RGS20: variants seen among roughly 807,000 people sequenced by gnomAD.
The protein encoded by RGS20 is regulator of G protein signaling 20, also known as gz-selective GTPase-activating protein.
RGS20 carries 30 observed loss-of-function variants against 33.6 expected under a neutral mutation model. That is an observed-to-expected ratio of 0.89 (90% CI 0.67 to 1.21). The LOEUF (loss-of-function observed/expected upper bound fraction) is 1.21. Among genes scored for constraint, RGS20 ranks in the 50% most tolerant of loss-of-function variants. RGS20 has a pLI of 0.00. For missense variants in RGS20, 472 were observed against 502.4 expected (o/e 0.94, Z 0.58); for synonymous variants, 208 against 197.9 (o/e 1.05, Z -0.43).
chr8:53,871,036 G>A (rs767351206), intron 1 of RGS20, among the ~76,000 whole-genome samples: 4 of 149,552 alleles, frequency 2.7e-5, no homozygotes, highest in South Asian at 2.1e-4. Context: ...GCTTGAAGCC[G>A]GGTGGCAGAG....
chr8:53,887,389 G>T, intron 2 of RGS20: 1 of 243,920 alleles, frequency 4.1e-6, no homozygotes, highest in South Asian at 6.4e-5. Flanking sequence ...CCTTATCCTG[G>T]ATATTGGCCT....
intron 2 of RGS20, among the ~76,000 whole-genome samples, chr8:53,922,888 TGG>T: frequency 6.6e-6 from 1 of 152,148 alleles, no homozygotes; most frequent in African/African-American, 2.4e-5. Context: ...CTTGAACTCC[TGG>T]TCTCAAGTGA....
intron 1 of RGS20, chr8:53,876,512 T>A (rs748633841): frequency 6.6e-6 from 1 of 152,370 alleles, no homozygotes; most frequent in East Asian, 1.9e-4. Flanking sequence ...TCAAATAGAA[T>A]CTGGCCTAAA....
chr8:53,893,458 G>A (rs1280091564), intron 2 of RGS20, among the ~76,000 whole-genome samples: 3 of 152,160 alleles, frequency 2.0e-5, no homozygotes, highest in African/African-American at 7.2e-5. Flanking sequence ...TGTCCCCAAG[G>A]CCTTGGACTT....
intron 2 of RGS20, among the ~76,000 whole-genome samples, chr8:53,895,965 T>C (rs1812844966): frequency 6.6e-6 from 1 of 151,832 alleles, no homozygotes; most frequent in Admixed American, 6.6e-5. Context: ...TTTTTACATT[T>C]TTTAATTGTT....
intron 1 of RGS20, among the ~76,000 whole-genome samples, chr8:53,856,634 G>A (rs2129266539): frequency 6.6e-6 from 1 of 152,350 alleles, no homozygotes; most frequent in East Asian, 1.9e-4. Flanking sequence ...ACATGAGGAA[G>A]AGAAAGCATT....
At chr8:53,911,996 G>GA (rs1406366975) in intron 2 of RGS20, among the ~76,000 whole-genome samples, 2 of 151,818 alleles carry the variant, frequency 1.3e-5, no homozygotes, top group East Asian at 3.9e-4. Flanking sequence ...TTAAAAGGCA[G>GA]AAAAATAAGG....
At chr8:53,872,267 C>G (rs374757170) in intron 1 of RGS20, among the ~76,000 whole-genome samples, 1 of 152,102 alleles carries the variant, frequency 6.6e-6, no homozygotes, top group East Asian at 1.9e-4. Flanking sequence ...TACCCTTGCC[C>G]CCTCCCCAAT....
intron 1 of RGS20, among the ~76,000 whole-genome samples, chr8:53,878,068 G>C (rs1812247964): frequency 6.6e-6 from 1 of 152,204 alleles, no homozygotes; most frequent in Admixed American, 6.5e-5. Context: ...CTCGCCTCCC[G>C]CGCCTCACCA....
intron 2 of RGS20, among the ~76,000 whole-genome samples, chr8:53,883,203 C>A (rs1812447305): frequency 6.6e-6 from 1 of 151,248 alleles, no homozygotes. Flanking sequence ...GTGGCCCAGG[C>A]TGGAGTGCAA....
intron 5 of RGS20, among the ~76,000 whole-genome samples, chr8:53,957,683 A>G (rs542121719): frequency 6.6e-6 from 1 of 152,206 alleles, no homozygotes; most frequent in African/African-American, 2.4e-5. Flanking sequence ...AATAACAAGC[A>G]TCAGGGGCCC....
At chr8:53,934,122 A>G (rs1264898836) in intron 2 of RGS20, among the ~76,000 whole-genome samples, 1 of 152,252 alleles carries the variant, frequency 6.6e-6, no homozygotes, top group Non-Finnish European at 1.5e-5. Context: ...TACACACGGA[A>G]AGGAAAAACC....
intron 1 of RGS20, among the ~76,000 whole-genome samples, chr8:53,862,607 G>C (rs1811833941): frequency 6.6e-6 from 1 of 152,144 alleles, no homozygotes; most frequent in African/African-American, 2.4e-5. Context: ...GGGCCAGCCT[G>C]GACAACAAAG....
chr8:53,862,488 T>A (rs1811830939), intron 1 of RGS20, among the ~76,000 whole-genome samples: 1 of 152,190 alleles, frequency 6.6e-6, no homozygotes, highest in Non-Finnish European at 1.5e-5. Flanking sequence ...GCAGCGTTCC[T>A]TGGTTCTGTC....
intron 1 of RGS20, among the ~76,000 whole-genome samples, chr8:53,858,973 G>A (rs938808399): frequency 6.6e-6 from 1 of 151,702 alleles, no homozygotes; most frequent in Non-Finnish European, 1.5e-5. Flanking sequence ...AGAGAGATGT[G>A]GTCTTTGATT....
In RGS20 at chr8:53,879,405, TCCC is replaced by T; in HGVS notation, c.317_319del (p.Pro106del). ...GGCTCCCCGGAGGCGCCTGGACTTC[TCCC>T]CCCTGCTTCCCGCCCTGCCGGCCGC... On this transcript the variant is annotated inframe_deletion, in exon 2 of 6. Transcript: ENST00000297313. 1 of 1,609,392 alleles carries T rather than the reference TCCC, an allele frequency of 6.2e-7. No individual in the cohort carries two copies. The highest frequency in any genetic ancestry group is 1.1e-5 in the South Asian group (1 of 90,964).
chr8:53,943,820 C>A (rs1022121998), intron 3 of RGS20, among the ~76,000 whole-genome samples: 1 of 152,080 alleles, frequency 6.6e-6, no homozygotes, highest in South Asian at 2.1e-4. Context: ...ACAAAAGAAG[C>A]CTCGGAAGTC....
chr8:53,913,411 T>A (rs1156565806), intron 2 of RGS20: 1 of 152,208 alleles, frequency 6.6e-6, no homozygotes, highest in African/African-American at 2.4e-5. Flanking sequence ...ACGTTGGACA[T>A]TGTTATGGGT....
At chr8:53,876,286 A>G (rs952591762) in intron 1 of RGS20, 1 of 152,246 alleles carries the variant, frequency 6.6e-6, no homozygotes. Context: ...TGAAATGGGC[A>G]AGACATTGTT....
Sources: gnomAD v4.1 joint callset for allele counts (sites outside exome capture counted in the v4.1 genomes callset) on GRCh38, gnomAD v4.1.1 for gene constraint, MANE v1.5 for transcripts, NCBI Gene and HGNC (gene_info 2026-07-23, HGNC 2026-07-21) for gene names.